ATL1: variants seen among roughly 807,000 people sequenced by gnomAD.
ATL1 encodes the protein atlastin GTPase 1, also known as atlastin-1.
Under a neutral mutation model 75.5 loss-of-function variants are expected in ATL1, and 31 were observed. The ratio of observed to expected loss-of-function variants is 0.41; its 90% CI spans 0.31 to 0.55. The LOEUF (loss-of-function observed/expected upper bound fraction) is 0.55, where lower values mean the gene tolerates loss of function less well. ATL1 is among the 20% of genes least tolerant of loss of function. ATL1 has a pLI of 0.27. For synonymous variants in ATL1, 226 were observed against 233.3 expected, an observed-to-expected ratio of 0.97 and a Z score of 0.28; for missense variants, 405 against 662.6, an observed-to-expected ratio of 0.61 and a Z score of 4.27.
At chr14:50,552,713 A>G (rs1248359392) in intron 1 of ATL1, among the ~76,000 whole-genome samples, 2 of 152,206 alleles carry the variant, frequency 1.3e-5, no homozygotes, top group East Asian at 3.8e-4. Flanking sequence ...AAAGCCAAAT[A>G]CTTACAGCTA....
At chr14:50,536,307 A>T (rs574520561) in intron 1 of ATL1, among the ~76,000 whole-genome samples, 2 of 152,196 alleles carry the variant, frequency 1.3e-5, no homozygotes, top group East Asian at 3.9e-4. Context: ...ATGGTGGTAC[A>T]TGCCTGTAAT....
intron 1 of ATL1, among the ~76,000 whole-genome samples, chr14:50,545,365 T>C (rs2038617836): frequency 6.6e-6 from 1 of 152,176 alleles, no homozygotes. Context: ...GCTTTTCTTA[T>C]AACAATTGGC....
At chr14:50,624,647 AAG>A (rs1483591855) in intron 11 of ATL1, among the ~76,000 whole-genome samples, 2 of 152,084 alleles carry the variant, frequency 1.3e-5, no homozygotes, top group Middle Eastern at 3.2e-3. Flanking sequence ...TTTAAATCAA[AAG>A]CTAGAAATGA....
intron 1 of ATL1, among the ~76,000 whole-genome samples, chr14:50,553,908 G>A (rs1360192954): frequency 6.6e-6 from 1 of 152,152 alleles, no homozygotes; most frequent in Non-Finnish European, 1.5e-5. Context: ...CTATGAGGAT[G>A]CAAAGGCATA....
At chr14:50,575,756 T>C (rs566566470) in intron 1 of ATL1, among the ~76,000 whole-genome samples, 1 of 16,408 alleles carries the variant, frequency 6.1e-5, no homozygotes, top group African/African-American at 2.0e-4. Flanking sequence ...AAAAATAGAT[T>C]TTTTTTTACA....
upstream of ATL1, among the ~76,000 whole-genome samples, chr14:50,558,289 G>C (rs535870119): frequency 2.8e-4 from 42 of 152,202 alleles, no homozygotes; most frequent in Non-Finnish European, 4.9e-4. Context: ...AACCTGGGAG[G>C]TGGAGGTTGT....
Position 50,632,783 on chromosome 14 carries a change from CATCTT to C in ATL1, c.*447_*451del. 5.9e-6 allele frequency: 1 copy of C among 168,168 alleles called. No individual in the cohort carries two copies. Among genetic ancestry groups the C allele is most frequent in the Non-Finnish European group, 1.3e-5 (1 of 77,358 alleles). 10.4% of individuals were successfully genotyped at this position (168,168 alleles called of 1,614,324 possible). A position where few individuals can be genotyped will look rare whatever the true frequency, so the allele number is the denominator to read the frequency against. ...TCAGCAGGCTGGATTTAATCTGTAT[CATCTT>C]ATATATATCACAATCTTATTTTTAA... On this transcript the variant is annotated 3_prime_UTR_variant, in exon 14 of 14. Coordinates refer to ENST00000358385, the MANE Select transcript of ATL1 (RefSeq NM_015915.5).
chr14:50,626,689 A>G (rs2039523682), intron 11 of ATL1, among the ~76,000 whole-genome samples: 1 of 152,224 alleles, frequency 6.6e-6, no homozygotes. Context: ...ACATCCATAT[A>G]ATGTGTAAAG....
At chr14:50,596,209 C>T (rs2039215348) in intron 6 of ATL1, among the ~76,000 whole-genome samples, 1 of 152,080 alleles carries the variant, frequency 6.6e-6, no homozygotes, top group Non-Finnish European at 1.5e-5. Flanking sequence ...TAGCACATTC[C>T]TGTAATCCCA....
rs557317792 is a variant in ATL1 at position 50,573,143 on chromosome 14, C to A, written c.34+12844C>A. Among the ~76,000 whole-genome samples, 5 of 152,140 alleles carry A rather than the reference C, an allele frequency of 3.3e-5. No individual in the cohort carries two copies. The East Asian group carries it at 5.8e-4, about 18-fold the overall frequency. On this transcript the variant is annotated intron_variant, in intron 1 of 13. Coordinates refer to ENST00000358385, the MANE Select transcript of ATL1 (RefSeq NM_015915.5). ...CCCCCAACATATGGAAATTACAATT[C>A]GGATTACAATTCAAGATGACATTTG...
chr14:50,560,374 G>T, intron 1 of ATL1, 75 bp downstream of exon 1: 1 of 1,568,240 alleles, frequency 6.4e-7, no homozygotes. Flanking sequence ...TGTGGAGACA[G>T]GGAGGGCCAA....
At chr14:50,589,155 CTTTTTTTTTT>C (rs34191629) in intron 2 of ATL1, among the ~76,000 whole-genome samples, 2 of 109,428 alleles carry the variant, frequency 1.8e-5, no homozygotes, top group Admixed American at 2.0e-4. Flanking sequence ...TTCTTTCTTT[CTTTTTTTTTT>C]TTTTTTTTTT....
chr14:50,553,457 G>A (rs186552855), intron 1 of ATL1, among the ~76,000 whole-genome samples: 1 of 152,062 alleles, frequency 6.6e-6, no homozygotes, highest in Non-Finnish European at 1.5e-5. Flanking sequence ...AAAAATAGAT[G>A]TTGGCATGGA....
At chr14:50,547,001 C>T (rs1343894149) in intron 1 of ATL1, among the ~76,000 whole-genome samples, 1 of 152,096 alleles carries the variant, frequency 6.6e-6, no homozygotes, top group African/African-American at 2.4e-5. Flanking sequence ...CCCCACCCCC[C>T]AACAGGCCCT....
intron 8 of ATL1, among the ~76,000 whole-genome samples, chr14:50,617,177 G>C (rs1257951680): frequency 1.3e-5 from 2 of 151,976 alleles, no homozygotes; most frequent in African/African-American, 4.8e-5. Context: ...CCTATTTCTA[G>C]TGTTATTAAA....
At chr14:50,552,345 A>G (rs1253531155) in intron 1 of ATL1, among the ~76,000 whole-genome samples, 1 of 152,208 alleles carries the variant, frequency 6.6e-6, no homozygotes, top group Non-Finnish European at 1.5e-5. Flanking sequence ...GAAAATTACA[A>G]AACACTGAAA....
chr14:50,553,270 CAAA>C (rs35423067), intron 1 of ATL1, among the ~76,000 whole-genome samples: 3 of 103,140 alleles, frequency 2.9e-5, no homozygotes, highest in Admixed American at 9.9e-5. Context: ...GACTCCGTTT[CAAA>C]AAAAAAAAAA....
intron 3 of ATL1, 91 bp from the exon 4 acceptor site, chr14:50,591,444 G>T (rs544702867): frequency 2.4e-6 from 2 of 837,288 alleles, no homozygotes; most frequent in Admixed American, 4.2e-5. Context: ...GATTAATAAT[G>T]GTTTGCTTTA....
intron 1 of ATL1, among the ~76,000 whole-genome samples, chr14:50,544,676 G>T (rs1409490309): frequency 1.3e-5 from 2 of 152,114 alleles, no homozygotes; most frequent in Admixed American, 1.3e-4. Context: ...GCTCACACTT[G>T]TAATCTCAGA....
Sources: gnomAD v4.1 joint callset for allele counts (sites outside exome capture counted in the v4.1 genomes callset) on GRCh38, gnomAD v4.1.1 for gene constraint, MANE v1.5 for transcripts, NCBI Gene and HGNC (gene_info 2026-07-23, HGNC 2026-07-21) for gene names.